The following SH3RF3 variants were observed in gnomAD, a reference collection of about 807,000 sequenced individuals.
SH3RF3 encodes the protein E3 ubiquitin-protein ligase SH3RF3.
Under a neutral mutation model 66.3 loss-of-function variants are expected in SH3RF3, and 29 were observed. The observed-to-expected ratio is 0.44, with a 90% CI of 0.33 to 0.60. The LOEUF is 0.60. Ranked by LOEUF, SH3RF3 falls within the 20% of genes least tolerant of loss-of-function variation. SH3RF3 has a pLI of 0.04. For missense variants in SH3RF3, 1,194 were observed against 1,190.9 expected, an observed-to-expected ratio of 1.00 and a Z score of -0.04; for synonymous variants, 583 against 532.0, an observed-to-expected ratio of 1.10 and a Z score of -1.32.
intron 4 of SH3RF3, among the ~76,000 whole-genome samples, chr2:109,409,709 C>G (rs1272351772): frequency 1.3e-5 from 2 of 152,048 alleles, no homozygotes; most frequent in Non-Finnish European, 2.9e-5. Flanking sequence ...AGAGGGAGAT[C>G]GAGAGGCACG....
intron 1 of SH3RF3, among the ~76,000 whole-genome samples, chr2:109,216,769 T>A (rs547214327): frequency 6.6e-6 from 1 of 152,252 alleles, no homozygotes; most frequent in Non-Finnish European, 1.5e-5. Flanking sequence ...ATATATTTTT[T>A]TAAATTGTGG....
chr2:109,281,500 T>C (rs748855263), intron 1 of SH3RF3, among the ~76,000 whole-genome samples: 17 of 152,154 alleles, frequency 1.1e-4, no homozygotes, highest in Non-Finnish European at 1.5e-5. Context: ...ACTCTGTGGG[T>C]GCCTTTCACC....
intron 3 of SH3RF3, among the ~76,000 whole-genome samples, chr2:109,391,269 T>C (rs1414467021): frequency 2.6e-5 from 4 of 152,204 alleles, no homozygotes; most frequent in Non-Finnish European, 4.4e-5. Context: ...TGCCAGCCCA[T>C]TGGGCAGCCC....
At position 109,168,913 on chromosome 2, in the gene SH3RF3, C is replaced by A. The variant is rs114333759; in HGVS notation, c.573+38800C>A. Among the ~76,000 whole-genome samples, 955 of 152,314 alleles carry A rather than the reference C, an allele frequency of 6.3e-3. 14 individuals carry two copies. Among genetic ancestry groups the A allele is most frequent in the African/African-American group, 0.02 (832 of 41,556 alleles). The stretch of plus-strand genomic sequence containing the variant: ...TGTTCTCTGCTGTATCTTCAGGACT[C>A]CTGAGCCAAACCTGATTTCATCATC... On this transcript the variant is annotated intron_variant, in intron 1 of 9. Coordinates refer to ENST00000309415, the MANE Select transcript of SH3RF3 (RefSeq NM_001099289.3).
intron 1 of SH3RF3, among the ~76,000 whole-genome samples, chr2:109,345,879 T>C (rs1682682108): frequency 6.6e-6 from 1 of 152,196 alleles, no homozygotes. Context: ...TGTTTGGCAG[T>C]GTCCCTGGTC....
chr2:109,371,484 G>A (rs1414521925), intron 2 of SH3RF3, 102 bp from the exon 3 acceptor site: 2 of 879,740 alleles, frequency 2.3e-6, no homozygotes, highest in African/African-American at 3.3e-5. Context: ...CTCATTCCTT[G>A]GAATCTCTTC....
chr2:109,347,946 C>T lies in SH3RF3; in HGVS notation c.846C>T (p.Thr282=), dbSNP rs1363362761. Residue 282 remains threonine, a synonymous_variant, in exon 2 of 10, where the codon ACC becomes ACT. Transcript: ENST00000309415. ...KDQDKDCLTF[T]KDEILTVLRR... ...AAGACAAGGACTGTCTGACCTTCAC[C>T]AAGGTAAGGTGAGCCCCGGGGTGGG... 2 of 1,599,744 alleles carry T rather than the reference C, an allele frequency of 1.3e-6. No individual in the cohort carries two copies. The highest frequency in any genetic ancestry group is 1.7e-6 in the Non-Finnish European group (2 of 1,173,430).
At chr2:109,395,036 C>T (rs187625890) in intron 3 of SH3RF3, among the ~76,000 whole-genome samples, 9 of 152,322 alleles carry the variant, frequency 5.9e-5, no homozygotes, top group Non-Finnish European at 1.2e-4. Flanking sequence ...AAATTCAGGC[C>T]CAGCTTTATG....
chr2:109,424,591 T>C (rs1188635312), intron 5 of SH3RF3, among the ~76,000 whole-genome samples: 1 of 152,260 alleles, frequency 6.6e-6, no homozygotes, highest in Admixed American at 6.5e-5. Context: ...TCGGTAATTC[T>C]TATAATATTT....
At chr2:109,247,193 G>GTA (rs1679937475) in intron 1 of SH3RF3, among the ~76,000 whole-genome samples, 1 of 152,174 alleles carries the variant, frequency 6.6e-6, no homozygotes, top group African/African-American at 2.4e-5. Flanking sequence ...TATGAGATAA[G>GTA]GGAGAACAGA....
chr2:109,133,991 A>T (rs562861032), intron 1 of SH3RF3, among the ~76,000 whole-genome samples: 1 of 152,228 alleles, frequency 6.6e-6, no homozygotes, highest in East Asian at 1.9e-4. Flanking sequence ...GGAGGCCAGG[A>T]TAGAGGGTGT....
chr2:109,175,666 A>G (rs1420228183), intron 1 of SH3RF3, among the ~76,000 whole-genome samples: 2 of 152,220 alleles, frequency 1.3e-5, no homozygotes, highest in Non-Finnish European at 2.9e-5. Flanking sequence ...CAGAATCAGT[A>G]ATAGGACACA....
At chr2:109,207,385 G>A (rs1256224026) in intron 1 of SH3RF3, among the ~76,000 whole-genome samples, 1 of 152,100 alleles carries the variant, frequency 6.6e-6, no homozygotes, top group Non-Finnish European at 1.5e-5. Context: ...GGTTGCTATG[G>A]AGACAACATA....
At chr2:109,485,915 C>T (rs1321188976) in intron 8 of SH3RF3, among the ~76,000 whole-genome samples, 1 of 152,264 alleles carries the variant, frequency 6.6e-6, no homozygotes, top group Non-Finnish European at 1.5e-5. Context: ...ATCTCCTACA[C>T]ACCTACCAGC....
intron 1 of SH3RF3, among the ~76,000 whole-genome samples, chr2:109,206,219 G>A (rs536906404): frequency 1.3e-5 from 2 of 152,166 alleles, no homozygotes; most frequent in East Asian, 3.9e-4. Context: ...GGCCGGGCAC[G>A]GTGGCTCACG....
At chr2:109,237,605 T>A (rs1370327116) in intron 1 of SH3RF3, among the ~76,000 whole-genome samples, 1 of 152,172 alleles carries the variant, frequency 6.6e-6, no homozygotes, top group Non-Finnish European at 1.5e-5. Context: ...TTTGTGTGTG[T>A]GAATTTTTTT....
intron 2 of SH3RF3, among the ~76,000 whole-genome samples, chr2:109,357,554 G>A (rs550824724): frequency 2.6e-5 from 4 of 152,294 alleles, no homozygotes; most frequent in South Asian, 2.1e-4. Context: ...TTACCAGCCC[G>A]CCCTTCCCGC....
intron 4 of SH3RF3, among the ~76,000 whole-genome samples, chr2:109,413,163 G>C (rs1357067315): frequency 6.6e-6 from 1 of 152,184 alleles, no homozygotes; most frequent in Non-Finnish European, 1.5e-5. Context: ...CGCCCAGGCT[G>C]GAGTGCAGTG....
At chr2:109,465,989 A>G (rs1678330652) in intron 8 of SH3RF3, among the ~76,000 whole-genome samples, 1 of 148,122 alleles carries the variant, frequency 6.8e-6, no homozygotes, top group Non-Finnish European at 1.5e-5. Context: ...ATTCAGCATG[A>G]GCTATGGTGG....
Sources: allele counts gnomAD v4.1 joint callset (sites outside exome capture counted in the v4.1 genomes callset), GRCh38; gene constraint gnomAD v4.1.1; transcripts MANE v1.5; gene names NCBI Gene and HGNC (gene_info 2026-07-23, HGNC 2026-07-21).